The following RARB variants were observed in gnomAD, a reference collection of about 807,000 sequenced individuals.
RARB encodes the protein HBV-activated protein.
Under a neutral mutation model 51.9 loss-of-function variants are expected in RARB, and 17 were observed. The observed-to-expected ratio is 0.33, with a 90% confidence interval of 0.22 to 0.49. The LOEUF is 0.49. Ranked by LOEUF, RARB falls within the 20% of genes least tolerant of loss-of-function variation. RARB has a pLI of 0.99. For missense variants in RARB, 369 were observed against 550.8 expected, an observed-to-expected ratio of 0.67 and a Z score of 3.30; for synonymous variants, 215 against 195.4, an observed-to-expected ratio of 1.10 and a Z score of -0.84.
chr3:25,574,326 C>T (rs1423260235), intron 4 of RARB, among the ~76,000 whole-genome samples: 1 of 152,226 alleles, frequency 6.6e-6, no homozygotes, highest in Non-Finnish European at 1.5e-5. Flanking sequence ...GTTTTAAAAA[C>T]ATCCACCTCC....
At chr3:24,937,375 C>G (rs759091985) in intron 2 of RARB, among the ~76,000 whole-genome samples, 1 of 152,158 alleles carries the variant, frequency 6.6e-6, no homozygotes, top group Non-Finnish European at 1.5e-5. Flanking sequence ...AGAGTCTACC[C>G]TGGTGCCAGA....
intron 3 of RARB, among the ~76,000 whole-genome samples, chr3:25,554,466 C>T (rs919870982): frequency 6.6e-6 from 1 of 151,960 alleles, no homozygotes; most frequent in Non-Finnish European, 1.5e-5. Flanking sequence ...GACGTGTAGT[C>T]CTGGCTCTTT....
intron 3 of RARB, among the ~76,000 whole-genome samples, chr3:25,081,606 T>TAC (rs1698999461): frequency 5.8e-5 from 1 of 17,288 alleles, no homozygotes; most frequent in Non-Finnish European, 1.1e-4. Context: ...TATATATATA[T>TAC]ATATATATAT....
intron 5 of RARB, among the ~76,000 whole-genome samples, chr3:25,359,705 T>G (rs9835396): frequency 0.52 from 78,867 of 151,722 alleles, 20,936 homozygotes; most frequent in East Asian, 0.87. Context: ...AAATAACTTA[T>G]TTATTTCTGC....
At chr3:24,848,294 CA>C (rs1702510863) in intron 1 of RARB, among the ~76,000 whole-genome samples, 1 of 152,176 alleles carries the variant, frequency 6.6e-6, no homozygotes, top group Non-Finnish European at 1.5e-5. Context: ...TTCCTGGGCT[CA>C]AGTGATCTGC....
chr3:24,984,770 TG>T (rs1696751896), intron 2 of RARB, among the ~76,000 whole-genome samples: 1 of 2,976 alleles, frequency 3.4e-4, no homozygotes, highest in East Asian at 0.025. Flanking sequence ...GTTGCTGTGT[TG>T]GGGAAACAGG....
At chr3:25,134,959 G>C (rs2062484) in intron 4 of RARB, among the ~76,000 whole-genome samples, 1,921 of 151,930 alleles carry the variant, frequency 0.013, 36 homozygotes, top group African/African-American at 0.039. Flanking sequence ...AAGATTAAAC[G>C]CTACTTATGA....
rs530449169 is a variant in RARB at position 25,573,904 on chromosome 3, C to G, written c.609+3986C>G. The stretch of plus-strand genomic sequence containing the variant: ...GACAAATGGTTGGGTCCCCGGAGAC[C>G]GCAGGAATGGCTGGAAGAGGCAGAA... On this transcript the variant is annotated intron_variant, in intron 4 of 7. Transcript: ENST00000330688. Among the ~76,000 whole-genome samples the G allele has an allele frequency of 2.6e-5, 4 of 152,192 alleles. No homozygotes were observed. The Middle Eastern group carries it at 0.01, about 388-fold the overall frequency.
chr3:25,122,160 C>A (rs919833893), intron 3 of RARB, among the ~76,000 whole-genome samples: 2 of 152,070 alleles, frequency 1.3e-5, no homozygotes, highest in Non-Finnish European at 1.5e-5. Flanking sequence ...GATGGCATAT[C>A]TTTGTGAAGC....
intron 4 of RARB, among the ~76,000 whole-genome samples, chr3:25,146,493 T>C (rs1234817494): frequency 3.9e-5 from 5 of 127,012 alleles, no homozygotes; most frequent in Admixed American, 1.9e-4. Flanking sequence ...ATTTGCTAAG[T>C]TTTTTGTTTG....
intron 5 of RARB, among the ~76,000 whole-genome samples, chr3:25,391,490 G>A (rs1706957208): frequency 6.6e-6 from 1 of 152,100 alleles, no homozygotes; most frequent in African/African-American, 2.4e-5. Context: ...CATAGTGGTT[G>A]TACTAGTTTA....
chr3:25,317,317 A>G (rs1704453944), intron 5 of RARB, among the ~76,000 whole-genome samples: 1 of 152,104 alleles, frequency 6.6e-6, no homozygotes, highest in Non-Finnish European at 1.5e-5. Flanking sequence ...AAGGAAGCGA[A>G]GGTAGGTTAA....
At chr3:25,019,246 G>C (rs894393253) in intron 2 of RARB, among the ~76,000 whole-genome samples, 1 of 152,094 alleles carries the variant, frequency 6.6e-6, no homozygotes, top group Non-Finnish European at 1.5e-5. Flanking sequence ...CCCTAAAAAT[G>C]TTAAATCAAA....
At chr3:25,508,186 A>C (rs1697704285) in intron 3 of RARB, among the ~76,000 whole-genome samples, 1 of 152,246 alleles carries the variant, frequency 6.6e-6, no homozygotes, top group South Asian at 2.1e-4. Flanking sequence ...TGAATTTAAA[A>C]GTCCCTAAGC....
chr3:25,367,813 C>G (rs1003507911), intron 5 of RARB, among the ~76,000 whole-genome samples: 1 of 87,540 alleles, frequency 1.1e-5, no homozygotes, highest in African/African-American at 4.3e-5. Context: ...CAAAAAAAAA[C>G]AAGCAAAAAA....
chr3:25,156,984 C>A (rs754467535), intron 4 of RARB, among the ~76,000 whole-genome samples: 2 of 152,086 alleles, frequency 1.3e-5, no homozygotes, highest in Non-Finnish European at 2.9e-5. Flanking sequence ...CCTCAGTCAG[C>A]GGAAATAATG....
At chr3:24,886,405 C>T (rs1047653043) in intron 2 of RARB, among the ~76,000 whole-genome samples, 1 of 151,298 alleles carries the variant, frequency 6.6e-6, no homozygotes, top group Non-Finnish European at 1.5e-5. Context: ...AAGGAAGTTT[C>T]ATGATGCCCT....
intron 5 of RARB, among the ~76,000 whole-genome samples, chr3:25,398,910 G>T (rs1248530823): frequency 1.3e-5 from 2 of 152,084 alleles, no homozygotes; most frequent in Non-Finnish European, 2.9e-5. Context: ...TGTAATTTTA[G>T]ATCGACTTAC....
Position 25,356,760 on chromosome 3 carries a change from C to T in RARB, c.179-104433C>T, listed in dbSNP as rs369604301. Among the ~76,000 whole-genome samples the T allele has an allele frequency of 9.2e-5, 14 of 152,094 alleles. No individual in the cohort carries two copies. In the East Asian group the frequency reaches 1.5e-3, roughly 17 times the overall value. The stretch of plus-strand genomic sequence containing the variant: ...ACTCCTAATTATGAGTGAGAATATG[C>T]GGTGTTTGGTTTTCTGTTCCTGTGT... On this transcript the variant is annotated intron_variant, in intron 5 of 11. Transcript: ENST00000383772.
Sources: allele counts gnomAD v4.1 joint callset (sites outside exome capture counted in the v4.1 genomes callset), GRCh38; gene constraint gnomAD v4.1.1; transcripts MANE v1.5; gene names NCBI Gene and HGNC (gene_info 2026-07-23, HGNC 2026-07-21).